B4GALT6: variants seen among roughly 807,000 people sequenced by gnomAD.
The protein encoded by B4GALT6 is beta-1,4-galactosyltransferase 6, also known as UDP-Gal:beta-GlcNAc beta-1,4-galactosyltransferase 6.
In B4GALT6, 14 loss-of-function variants were observed where a neutral mutation model predicts 46.3. The observed-to-expected ratio is 0.30, with a 90% CI of 0.20 to 0.47. The LOEUF (loss-of-function observed/expected upper bound fraction) is 0.47, where lower values mean the gene tolerates loss of function less well. Among genes scored for constraint, B4GALT6 ranks in the 20% least tolerant of loss-of-function variants. The probability of loss-of-function intolerance (pLI) is 0.99; values close to 1 mark genes in which losing one functional copy is unlikely to be tolerated. For missense variants in B4GALT6, 386 were observed against 480.1 expected (o/e 0.80, Z 1.83); for synonymous variants, 168 against 162.0 (o/e 1.04, Z -0.28).
At chr18:31,700,132 A>G in the B4GALT6 span, among the ~76,000 whole-genome samples, 1 of 152,198 alleles carries the variant, frequency 6.6e-6, no homozygotes, top group Non-Finnish European at 1.5e-5. Flanking sequence ...ATCTCTACTC[A>G]TAAGAGGTGT....
chr18:31,667,252 G>A lies in B4GALT6; in HGVS notation c.116-880C>T, dbSNP rs1267971200. The stretch of plus-strand genomic sequence containing the variant: ...TTTTCACAAGGCAGGTGTGCAAGTA[G>A]TGCATTCTTCTTTAAAGTCTCTAAA... On this transcript the variant is annotated intron_variant, in intron 1 of 8. Coordinates refer to ENST00000306851, the MANE Select transcript of B4GALT6 (RefSeq NM_004775.5). 2.0e-5 allele frequency among the ~76,000 whole-genome samples: 3 copies of A among 152,164 alleles called. No homozygotes were observed. In the East Asian group the frequency reaches 5.8e-4, roughly 29 times the overall value.
the B4GALT6 span, chr18:31,724,464 C>A: frequency 5.9e-6 from 6 of 1,012,840 alleles, no homozygotes; most frequent in African/African-American, 8.7e-5. Flanking sequence ...ACTCCCCACC[C>A]CCGGGCAGAC....
chr18:31,711,048 C>T, the B4GALT6 span, among the ~76,000 whole-genome samples: 17,464 of 152,182 alleles, frequency 0.11, 1,168 homozygotes, highest in African/African-American at 0.18. Flanking sequence ...TCTACAGGCA[C>T]TCTGCCCTCA....
In B4GALT6 at chr18:31,651,163, A is replaced by C. The variant is rs553643892; in HGVS notation, c.347-5684T>G. ...CCGATCACAGCACCTACACACTGAC[A>C]AACACCTTATCTACCACCCCCTCAA... On this transcript the variant is annotated intron_variant, in intron 3 of 8. Transcript: ENST00000306851. Among the ~76,000 whole-genome samples, 73 of 152,216 alleles carry C rather than the reference A, an allele frequency of 4.8e-4. 1 individual carries two copies. Among genetic ancestry groups the C allele is most frequent in the Middle Eastern group, 6.8e-3 (2 of 294 alleles).
the B4GALT6 span, among the ~76,000 whole-genome samples, chr18:31,714,119 T>G: frequency 6.6e-6 from 1 of 152,238 alleles, no homozygotes; most frequent in African/African-American, 2.4e-5. Context: ...ATGCAACTAT[T>G]TAAATTTACA....
chr18:31,641,913 A>G lies in B4GALT6; in HGVS notation c.472-3153T>C, dbSNP rs553786122. Among the ~76,000 whole-genome samples, 292 of 152,280 alleles carry G rather than the reference A, an allele frequency of 1.9e-3. 1 individual carries two copies. Among genetic ancestry groups the G allele is most frequent in the African/African-American group, 6.5e-3 (271 of 41,548 alleles). On this transcript the variant is annotated intron_variant, in intron 4 of 8. Transcript: ENST00000306851. Reference sequence around the variant, plus strand: ...GTTTCTGTCCTGCTTTCAAATTTTCAGCACACCACCAGCTACACTGTCCCT... The same window carrying G: ...GTTTCTGTCCTGCTTTCAAATTTTCGGCACACCACCAGCTACACTGTCCCT...
At chr18:31,672,811 T>C (rs1307004164) in intron 1 of B4GALT6, among the ~76,000 whole-genome samples, 4 of 152,168 alleles carry the variant, frequency 2.6e-5, no homozygotes, top group African/African-American at 9.7e-5. Flanking sequence ...AGAATTCAAA[T>C]CCCAGCAGTG....
At chr18:31,662,917 T>A (rs2074236757) in intron 2 of B4GALT6, among the ~76,000 whole-genome samples, 2 of 152,240 alleles carry the variant, frequency 1.3e-5, no homozygotes, top group Admixed American at 6.5e-5. Flanking sequence ...GTCCATCATG[T>A]ATAACCACTG....
At chr18:31,698,204 T>G in the B4GALT6 span, among the ~76,000 whole-genome samples, 1 of 152,254 alleles carries the variant, frequency 6.6e-6, no homozygotes, top group African/African-American at 2.4e-5. Context: ...ATTCAATTAT[T>G]GCCTTACTTT....
intron 1 of B4GALT6, among the ~76,000 whole-genome samples, chr18:31,680,298 TA>T (rs1354336353): frequency 6.6e-6 from 1 of 152,158 alleles, no homozygotes; most frequent in Non-Finnish European, 1.5e-5. Flanking sequence ...CAGGGTTAAC[TA>T]GCTACCTTCT....
intron 5 of B4GALT6, among the ~76,000 whole-genome samples, chr18:31,635,673 C>T (rs1407984939): frequency 6.6e-6 from 1 of 152,036 alleles, no homozygotes; most frequent in East Asian, 1.9e-4. Context: ...CAAAAATAAG[C>T]CAGGCATGAT....
the B4GALT6 span, among the ~76,000 whole-genome samples, chr18:31,712,431 T>C: frequency 5.7e-3 from 866 of 151,246 alleles, 8 homozygotes; most frequent in African/African-American, 0.02. Flanking sequence ...GCCTCCCAAG[T>C]AGCTGGGATT....
the B4GALT6 span, among the ~76,000 whole-genome samples, chr18:31,703,532 A>G: frequency 6.6e-6 from 1 of 152,224 alleles, no homozygotes; most frequent in Non-Finnish European, 1.5e-5. Context: ...CTACTGTTAG[A>G]TCAATGAGAA....
rs2073697151 is a variant in B4GALT6, at chr18:31,626,365, T to C, written c.919A>G (p.Asn307Asp). ...AAGTCTCCCTCTGGTCTGGTTACAT[T>C]ATATCCAGCATAGTGAACTCTACAA... ...LWNRVHYAGY[N>D]VTRPEGDLGK... Residue 307 changes from asparagine to aspartate, a missense_variant, in exon 8 of 9, where the codon AAT (asparagine) becomes GAT (aspartate). This residue lies in a region of B4GALT6 where 323 missense variants were observed against 438.9 expected (regional missense o/e 0.74). Coordinates refer to ENST00000306851, the MANE Select transcript of B4GALT6 (RefSeq NM_004775.5). The C allele has an allele frequency of 6.3e-7, 1 of 1,597,454 alleles. No individual in the cohort carries two copies. Among genetic ancestry groups the C allele is most frequent in the African/African-American group, 1.3e-5 (1 of 74,638 alleles).
intron 5 of B4GALT6, among the ~76,000 whole-genome samples, chr18:31,632,925 C>T (rs2073809620): frequency 6.6e-6 from 1 of 152,150 alleles, no homozygotes; most frequent in South Asian, 2.1e-4. Flanking sequence ...TTGCCCTCTC[C>T]AGACCATGTG....
intron 6 of B4GALT6, 49 bp downstream of exon 6, chr18:31,630,910 G>T: frequency 1.3e-6 from 2 of 1,577,706 alleles, no homozygotes; most frequent in African/African-American, 1.3e-5. Flanking sequence ...TCAATGCTAT[G>T]ACTGTGCAAT....
chr18:31,699,341 T>C, the B4GALT6 span, among the ~76,000 whole-genome samples: 1 of 150,988 alleles, frequency 6.6e-6, no homozygotes, highest in African/African-American at 2.4e-5. Context: ...GGTATGATCT[T>C]CGTTCACTGC....
chr18:31,695,223 G>A, the B4GALT6 span, among the ~76,000 whole-genome samples: 3 of 151,630 alleles, frequency 2.0e-5, no homozygotes, highest in Non-Finnish European at 4.4e-5. Context: ...AGGAGGGACT[G>A]GCAGAAGGTG....
chr18:31,651,601 C>T (rs536239752), intron 3 of B4GALT6, among the ~76,000 whole-genome samples: 9 of 152,222 alleles, frequency 5.9e-5, no homozygotes, highest in Non-Finnish European at 1.2e-4. Context: ...AGCACCCTAC[C>T]TCTCCACCTC....
Sources: allele counts gnomAD v4.1 joint callset (sites outside exome capture counted in the v4.1 genomes callset), GRCh38; gene constraint gnomAD v4.1.1; regional missense constraint gnomAD v4.1.1; transcripts MANE v1.5; gene names NCBI Gene and HGNC (gene_info 2026-07-23, HGNC 2026-07-21).